The following HMGCLL1 variants were observed in gnomAD, a reference collection of about 807,000 sequenced individuals.
The protein encoded by HMGCLL1 is 3-hydroxy-3-methylglutaryl-CoA lyase like 1, also known as 3-hydroxymethyl-3-methylglutaryl-CoA lyase, cytoplasmic.
In HMGCLL1, 36 loss-of-function variants were observed where a neutral mutation model predicts 39.1. The observed-to-expected ratio is 0.92, with a 90% CI of 0.71 to 1.22. The LOEUF (loss-of-function observed/expected upper bound fraction) is 1.22. Among genes scored for constraint, HMGCLL1 ranks in the 50% most tolerant of loss-of-function variants. HMGCLL1 has a pLI of 0.00. For synonymous variants in HMGCLL1, 149 were observed against 144.0 expected, an observed-to-expected ratio of 1.03 and a Z score of -0.25; for missense variants, 451 against 416.5, an observed-to-expected ratio of 1.08 and a Z score of -0.72.
At chr6:55,461,973 CAT>C (rs1359680539) in intron 7 of HMGCLL1, among the ~76,000 whole-genome samples, 8 of 152,200 alleles carry the variant, frequency 5.3e-5, no homozygotes, top group Middle Eastern at 3.4e-3. Flanking sequence ...GCAGTAGGGT[CAT>C]ATGATTCATT....
chr6:55,667,991 G>C, the HMGCLL1 span, among the ~76,000 whole-genome samples: 2,113 of 151,758 alleles, frequency 0.014, 50 homozygotes, highest in African/African-American at 0.048. Flanking sequence ...TATGCTTGGG[G>C]AATTTTCCTC....
intron 3 of HMGCLL1, among the ~76,000 whole-genome samples, chr6:55,530,417 T>C (rs1768597077): frequency 6.6e-6 from 1 of 152,030 alleles, no homozygotes; most frequent in Admixed American, 6.6e-5. Flanking sequence ...ATACCTAATA[T>C]CCATAGATGT....
At chr6:55,667,485 C>A in the HMGCLL1 span, among the ~76,000 whole-genome samples, 3 of 151,630 alleles carry the variant, frequency 2.0e-5, no homozygotes, top group Non-Finnish European at 4.4e-5. Flanking sequence ...AGTAATTTAT[C>A]CAAGCCTACT....
the HMGCLL1 span, among the ~76,000 whole-genome samples, chr6:55,643,818 A>T: frequency 6.6e-6 from 1 of 151,958 alleles, no homozygotes; most frequent in Non-Finnish European, 1.5e-5. Flanking sequence ...AATGACACTT[A>T]GGTTTCTCTC....
the HMGCLL1 span, among the ~76,000 whole-genome samples, chr6:55,657,973 T>C: frequency 1.3e-5 from 2 of 151,858 alleles, no homozygotes; most frequent in Non-Finnish European, 2.9e-5. Context: ...GCTTAATACC[T>C]GGGTGATGAA....
At chr6:55,468,218 C>G (rs1395385720) in intron 7 of HMGCLL1, among the ~76,000 whole-genome samples, 2 of 151,912 alleles carry the variant, frequency 1.3e-5, no homozygotes, top group Non-Finnish European at 2.9e-5. Flanking sequence ...TATTGTAAGG[C>G]AACAATAAAT....
chr6:55,477,123 C>CAT lies in HMGCLL1; in HGVS notation c.795+18294_795+18295dup, dbSNP rs1162660154. On this transcript the variant is annotated intron_variant, in intron 7 of 8. Coordinates refer to ENST00000274901, the MANE Select transcript of HMGCLL1 (RefSeq NM_001042406.2). ...AGAACTTAGAGTATTTTATATATATCATATATATATAATAGATATAATATA... is the reference window on the plus strand; with the variant it reads ...AGAACTTAGAGTATTTTATATATATCATATATATATATAATAGATATAATATA... Among the ~76,000 whole-genome samples the CAT allele has an allele frequency of 1.0e-4, 7 of 67,154 alleles. 1 individual carries two copies. The highest frequency in any genetic ancestry group is 9.4e-4 in the South Asian group (2 of 2,124). The allele number at this position is 67,154 out of a possible 152,430, so 44.1% of individuals were successfully genotyped here.
the HMGCLL1 span, among the ~76,000 whole-genome samples, chr6:55,625,216 G>T: frequency 6.6e-6 from 1 of 152,108 alleles, no homozygotes; most frequent in Non-Finnish European, 1.5e-5. Flanking sequence ...TTGACTATGG[G>T]TCAAGTCACC....
intron 7 of HMGCLL1, among the ~76,000 whole-genome samples, chr6:55,465,754 A>C (rs536216792): frequency 1.5e-3 from 231 of 152,244 alleles, no homozygotes; most frequent in Non-Finnish European, 2.1e-3. Context: ...TAATTCCCAG[A>C]GACTGAACTA....
chr6:55,663,298 C>A, the HMGCLL1 span, among the ~76,000 whole-genome samples: 1 of 149,932 alleles, frequency 6.7e-6, no homozygotes, highest in Non-Finnish European at 1.5e-5. Flanking sequence ...TGAGATATTT[C>A]TAACTTTTTG....
At chr6:55,539,127 G>A (rs1272332084) in intron 3 of HMGCLL1, among the ~76,000 whole-genome samples, 1 of 152,094 alleles carries the variant, frequency 6.6e-6, no homozygotes, top group Non-Finnish European at 1.5e-5. Context: ...GTAAATAGAG[G>A]ACAAGAAACA....
At chr6:55,586,453 G>T in the HMGCLL1 span, among the ~76,000 whole-genome samples, 3 of 151,620 alleles carry the variant, frequency 2.0e-5, no homozygotes, top group East Asian at 5.8e-4. Context: ...GAGCAGGTTT[G>T]TTACATATGT....
rs1769628868 is a variant in HMGCLL1, at chr6:55,543,195, T to TATATCATATATATG, written c.109-1056_109-1055insCATATATATGATAT. Among the ~76,000 whole-genome samples, 2 of 12,256 alleles carry TATATCATATATATG rather than the reference T, an allele frequency of 1.6e-4. 1 individual carries two copies. The highest frequency in any genetic ancestry group is 3.4e-4 in the Non-Finnish European group (2 of 5,924). 8.0% of individuals were successfully genotyped at this position (12,256 alleles called of 152,430 possible). ...ATATAATATATAATATATAATATAT[T>TATATCATATATATG]ATATATTATATATTATATATTATAT... On this transcript the variant is annotated intron_variant, in intron 1 of 8. Coordinates refer to ENST00000274901, the MANE Select transcript of HMGCLL1 (RefSeq NM_001042406.2).
chr6:55,599,923 G>A, the HMGCLL1 span, among the ~76,000 whole-genome samples: 1 of 152,150 alleles, frequency 6.6e-6, no homozygotes, highest in Admixed American at 6.6e-5. Flanking sequence ...GAATGATTCT[G>A]TGAAAGGTGT....
At chr6:55,518,391 T>G (rs2127439344) in intron 3 of HMGCLL1, among the ~76,000 whole-genome samples, 1 of 152,270 alleles carries the variant, frequency 6.6e-6, no homozygotes, top group South Asian at 2.1e-4. Flanking sequence ...TGTGGCATTG[T>G]TCCAACAAAA....
At chr6:55,590,083 C>A in the HMGCLL1 span, among the ~76,000 whole-genome samples, 3 of 152,104 alleles carry the variant, frequency 2.0e-5, no homozygotes, top group Non-Finnish European at 4.4e-5. Context: ...AAAAAAGAAC[C>A]CGCATTGCCA....
intron 1 of HMGCLL1, among the ~76,000 whole-genome samples, chr6:55,543,160 T>TATATATAATATATA (rs1157412474): frequency 6.4e-4 from 4 of 6,230 alleles, no homozygotes; most frequent in African/African-American, 3.0e-4. Flanking sequence ...ATATATATTA[T>TATATATAATATATA]ATATATAATA....
chr6:55,589,103 A>G, the HMGCLL1 span, among the ~76,000 whole-genome samples: 1 of 152,192 alleles, frequency 6.6e-6, no homozygotes, highest in Non-Finnish European at 1.5e-5. Flanking sequence ...ACACAATGAA[A>G]AAAGAGAATT....
intron 4 of HMGCLL1, among the ~76,000 whole-genome samples, chr6:55,515,931 G>T (rs897351565): frequency 2.0e-5 from 3 of 151,854 alleles, no homozygotes; most frequent in African/African-American, 7.3e-5. Flanking sequence ...CCCATATACG[G>T]ATAACACCTT....
Sources: gnomAD v4.1 joint callset for allele counts (sites outside exome capture counted in the v4.1 genomes callset) on GRCh38, gnomAD v4.1.1 for gene constraint, MANE v1.5 for transcripts, NCBI Gene and HGNC (gene_info 2026-07-23, HGNC 2026-07-21) for gene names.